GPCPD1: variants seen among roughly 807,000 people sequenced by gnomAD.
GPCPD1 encodes the protein glycerophosphocholine phosphodiesterase GPCPD1.
Under a neutral mutation model 89.2 loss-of-function variants are expected in GPCPD1, and 29 were observed. The observed-to-expected ratio is 0.33, with a 90% CI of 0.24 to 0.44. The LOEUF (loss-of-function observed/expected upper bound fraction) is 0.44, where lower values mean the gene tolerates loss of function less well. Ranked by LOEUF, GPCPD1 falls within the 20% of genes least tolerant of loss-of-function variation. The pLI is 1.00. For missense variants in GPCPD1, 594 were observed against 808.9 expected (o/e 0.73, Z 3.22); for synonymous variants, 258 against 266.3 (o/e 0.97, Z 0.30).
intron 1 of GPCPD1, among the ~76,000 whole-genome samples, chr20:5,610,305 G>T (rs1002953476): frequency 6.6e-6 from 1 of 152,202 alleles, no homozygotes; most frequent in Admixed American, 6.5e-5. Flanking sequence ...CCTAGGAAAG[G>T]CACTTTAGTT....
intron 19 of GPCPD1, chr20:5,548,968 T>G: frequency 1.0e-6 from 1 of 965,688 alleles, no homozygotes; most frequent in Non-Finnish European, 1.5e-6. Flanking sequence ...GGCACTCTGG[T>G]TTTTTTAAAA....
rs1443287242 is a variant in GPCPD1, at chr20:5,554,259, C to T, written c.1829+3686G>A. 1.3e-5 allele frequency among the ~76,000 whole-genome samples: 2 copies of T among 151,724 alleles called. 1 individual carries two copies. The highest frequency in any genetic ancestry group is 2.9e-5 in the Non-Finnish European group (2 of 67,978). ...TCGGCCTCCCAGAGTGCTGGGATTACAGGCGTGAGCCATCAGGCCCGGCCG... is the reference window on the plus strand; with the variant it reads ...TCGGCCTCCCAGAGTGCTGGGATTATAGGCGTGAGCCATCAGGCCCGGCCG... On this transcript the variant is annotated intron_variant, in intron 19 of 19. Transcript: ENST00000379019.
chr20:5,549,748 C>CAAAAAAAAAAAAAAAAAAAAAAAAAAAA, intron 19 of GPCPD1, among the ~76,000 whole-genome samples: 1 of 95,616 alleles, frequency 1.0e-5, no homozygotes. Context: ...GAACCTGCCT[C>CAAAAAAAAAAAAAAAAAAAAAAAAAAAA]AAAAAAAAAA....
chr20:5,597,813 T>C (rs762123014), intron 3 of GPCPD1, among the ~76,000 whole-genome samples: 14 of 152,188 alleles, frequency 9.2e-5, no homozygotes, highest in Non-Finnish European at 2.1e-4. Flanking sequence ...CAGATTTACC[T>C]TTCTCCATCC....
At chr20:5,578,676 G>A in intron 7 of GPCPD1, 65 bp from the exon 8 acceptor site, 1 of 985,700 alleles carries the variant, frequency 1.0e-6, no homozygotes, top group Non-Finnish European at 1.6e-6. Context: ...TACAAATGTT[G>A]CCTAAATTCT....
At chr20:5,576,038 TATAC>T in intron 8 of GPCPD1, 60 bp from the exon 9 acceptor site, 2 of 712,954 alleles carry the variant, frequency 2.8e-6, no homozygotes, top group Non-Finnish European at 4.8e-6. Flanking sequence ...CATACATACA[TATAC>T]ACACACACAC....
chr20:5,575,793 T>C (rs749150170), intron 9 of GPCPD1, 23 bp downstream of exon 9: 43 of 1,508,304 alleles, frequency 2.9e-5, no homozygotes, highest in Non-Finnish European at 3.7e-5. Context: ...CCTTGGGTTA[T>C]TTGGCAGTGT....
intron 2 of GPCPD1, among the ~76,000 whole-genome samples, chr20:5,602,779 T>C (rs114133924): frequency 0.032 from 4,868 of 152,140 alleles, 267 homozygotes; most frequent in African/African-American, 0.11. Flanking sequence ...GGTCAGGAGT[T>C]TGAGACTGGC....
chr20:5,568,694 CAAGAGTTTGAG>C (rs1335338373), intron 12 of GPCPD1, among the ~76,000 whole-genome samples: 1 of 152,028 alleles, frequency 6.6e-6, no homozygotes, highest in Admixed American at 6.6e-5. Flanking sequence ...CACCTGAGGT[CAAGAGTTTGAG>C]ACCAGCCTGG....
chr20:5,593,527 C>T (rs143832153), intron 3 of GPCPD1, 116 bp from the exon 4 acceptor site: 1 of 640,306 alleles, frequency 1.6e-6, no homozygotes, highest in Non-Finnish European at 2.8e-6. Flanking sequence ...CTTATTTATT[C>T]CTACACAAAA....
chr20:5,582,047 G>A lies in GPCPD1; in HGVS notation c.350-1916C>T, dbSNP rs1202440037. On this transcript the variant is annotated intron_variant, in intron 6 of 19. Transcript: ENST00000379019. The stretch of plus-strand genomic sequence containing the variant: ...AAAATACAAAAAAAATTAGCCGGGC[G>A]TGGTAGCGGGCGCCTGTAGTCCCAG... Among the ~76,000 whole-genome samples the A allele has an allele frequency of 6.8e-5, 10 of 147,466 alleles. 1 individual carries two copies. In the South Asian group the frequency reaches 1.1e-3, roughly 16 times the overall value.
chr20:5,558,170 C>A (rs1023636229), intron 18 of GPCPD1, 65 bp from the exon 19 acceptor site: 3 of 974,532 alleles, frequency 3.1e-6, no homozygotes, highest in South Asian at 1.6e-5. Context: ...AATGCTCACA[C>A]TCTAAATCAG....
intron 4 of GPCPD1, among the ~76,000 whole-genome samples, chr20:5,590,009 TA>T (rs933266069): frequency 7.2e-5 from 11 of 152,184 alleles, no homozygotes; most frequent in African/African-American, 2.7e-4. Context: ...CCCACAAGAA[TA>T]AGTCTTAATG....
chr20:5,572,628 A>T (rs559610143), intron 11 of GPCPD1, among the ~76,000 whole-genome samples: 1 of 152,350 alleles, frequency 6.6e-6, no homozygotes, highest in South Asian at 2.1e-4. Flanking sequence ...CTGTGGAAAA[A>T]GTGGAAATTA....
intron 2 of GPCPD1, among the ~76,000 whole-genome samples, chr20:5,601,641 T>C (rs959051946): frequency 6.6e-6 from 1 of 152,074 alleles, no homozygotes; most frequent in South Asian, 2.1e-4. Flanking sequence ...AGTGCTGGGA[T>C]TACAGGCATG....
intron 4 of GPCPD1, among the ~76,000 whole-genome samples, chr20:5,586,937 C>T (rs886944696): frequency 2.0e-5 from 3 of 152,066 alleles, no homozygotes; most frequent in African/African-American, 4.8e-5. Context: ...AACTAACATC[C>T]GGTTTCATTC....
intron 6 of GPCPD1, among the ~76,000 whole-genome samples, chr20:5,583,163 G>A (rs991151209): frequency 6.7e-6 from 1 of 149,636 alleles, no homozygotes. Flanking sequence ...GGCAGAGAGT[G>A]CGGTGAGCCA....
At chr20:5,604,563 G>T in intron 1 of GPCPD1, 123 bp from the exon 2 acceptor site, 1 of 208,836 alleles carries the variant, frequency 4.8e-6, no homozygotes, top group East Asian at 1.5e-4. Flanking sequence ...TGTCTTTGCA[G>T]TTTTATGGTG....
chr20:5,598,667 C>G (rs763542799), intron 3 of GPCPD1, 58 bp downstream of exon 3: 6 of 971,306 alleles, frequency 6.2e-6, no homozygotes, highest in Non-Finnish European at 1.0e-5. Context: ...CTTAAAAGCC[C>G]CTAACATCAT....
Sources: gnomAD v4.1 joint callset for allele counts (sites outside exome capture counted in the v4.1 genomes callset) on GRCh38, gnomAD v4.1.1 for gene constraint, MANE v1.5 for transcripts, NCBI Gene and HGNC (gene_info 2026-07-23, HGNC 2026-07-21) for gene names.